Variants in PACRG observed in about 807,000 individuals in gnomAD.
The protein encoded by PACRG is parkin coregulated, also known as parkin coregulated gene protein.
A neutral mutation model predicts 29.7 loss-of-function variants in PACRG; 29 were observed. The observed-to-expected ratio is 0.98, with a 90% CI of 0.73 to 1.33. The LOEUF (loss-of-function observed/expected upper bound fraction) is 1.33, where lower values mean the gene tolerates loss of function less well. Among genes scored for constraint, PACRG ranks in the 40% most tolerant of loss-of-function variants. PACRG has a pLI of 0.00. For synonymous variants in PACRG, 116 were observed against 118.7 expected, an observed-to-expected ratio of 0.98 and a Z score of 0.15; for missense variants, 279 against 316.2, an observed-to-expected ratio of 0.88 and a Z score of 0.89.
At chr6:162,751,335 T>C (rs1016890719) in intron 1 of PACRG, among the ~76,000 whole-genome samples, 23 of 152,258 alleles carry the variant, frequency 1.5e-4, no homozygotes, top group African/African-American at 5.3e-4. Context: ...AACTGTGCAT[T>C]AATCCAAACA....
rs1425303763 is a variant in PACRG, at chr6:163,221,514, T to C, written c.614-93313T>C. ...ACCAGTGACTCTCAGGGAGGTACTTTCATGGTTGCAAAGCACATCTTACGT... is the reference window on the plus strand; with the variant it reads ...ACCAGTGACTCTCAGGGAGGTACTTCCATGGTTGCAAAGCACATCTTACGT... On this transcript the variant is annotated intron_variant, in intron 4 of 4. Transcript: ENST00000366888. 4.6e-5 allele frequency among the ~76,000 whole-genome samples: 7 copies of C among 152,252 alleles called. No homozygotes were observed. In the East Asian group the frequency reaches 1.3e-3, roughly 29 times the overall value.
At chr6:163,191,803 AC>A in intron 4 of PACRG, 1 of 455,490 alleles carries the variant, frequency 2.2e-6, no homozygotes, top group South Asian at 1.6e-5. Flanking sequence ...ATTTCCAGCC[AC>A]CTTTTTTCTC....
At chr6:163,041,819 C>G (rs1032022137) in intron 2 of PACRG, among the ~76,000 whole-genome samples, 2 of 152,176 alleles carry the variant, frequency 1.3e-5, no homozygotes, top group African/African-American at 4.8e-5. Flanking sequence ...AGTAGCAAAT[C>G]AAGCACTGCC....
chr6:163,175,630 G>A (rs1271503747), intron 4 of PACRG, among the ~76,000 whole-genome samples: 2 of 152,062 alleles, frequency 1.3e-5, no homozygotes, highest in Non-Finnish European at 2.9e-5. Context: ...GGGAGGGACG[G>A]AATGTCGGGA....
chr6:162,890,012 G>C (rs1794639887), intron 2 of PACRG, among the ~76,000 whole-genome samples: 1 of 152,234 alleles, frequency 6.6e-6, no homozygotes, highest in African/African-American at 2.4e-5. Context: ...AGAAAGGTCT[G>C]AGCACATCTG....
upstream of PACRG, chr6:162,727,880 C>T: frequency 1.7e-6 from 1 of 593,898 alleles, no homozygotes; most frequent in Non-Finnish European, 3.0e-6. Flanking sequence ...ACGCCTCCTG[C>T]CCCCAGCCCC....
chr6:163,298,613 A>G (rs182385691), intron 4 of PACRG, among the ~76,000 whole-genome samples: 2 of 152,356 alleles, frequency 1.3e-5, no homozygotes, highest in Admixed American at 1.3e-4. Context: ...ATCACTCACA[A>G]AAATTGTGCA....
chr6:163,105,627 A>G (rs952116618), intron 4 of PACRG, among the ~76,000 whole-genome samples: 1 of 152,162 alleles, frequency 6.6e-6, no homozygotes, highest in Non-Finnish European at 1.5e-5. Context: ...ACATTGGGTC[A>G]TTGAAAAAAA....
intron 2 of PACRG, among the ~76,000 whole-genome samples, chr6:162,856,921 G>C (rs1252011521): frequency 6.6e-6 from 1 of 152,162 alleles, no homozygotes; most frequent in Non-Finnish European, 1.5e-5. Flanking sequence ...GGTTTTCCCT[G>C]AAGAGGTTTA....
intron 1 of PACRG, among the ~76,000 whole-genome samples, chr6:162,804,951 A>G (rs1786194166): frequency 6.6e-6 from 1 of 152,212 alleles, no homozygotes; most frequent in Non-Finnish European, 1.5e-5. Flanking sequence ...CTACACACCT[A>G]GACTATGTGT....
At chr6:162,994,980 G>C (rs1396515773) in intron 2 of PACRG, among the ~76,000 whole-genome samples, 1 of 150,246 alleles carries the variant, frequency 6.7e-6, no homozygotes, top group South Asian at 2.1e-4. Context: ...TCAGCTGCAG[G>C]TCTGTTGGAA....
intron 2 of PACRG, among the ~76,000 whole-genome samples, chr6:163,025,337 A>C (rs894142322): frequency 1.3e-5 from 2 of 152,242 alleles, no homozygotes; most frequent in Admixed American, 1.3e-4. Context: ...TACAAAAATC[A>C]TAAAGACTCT....
intron 2 of PACRG, among the ~76,000 whole-genome samples, chr6:163,049,339 G>T (rs761611243): frequency 1.1e-4 from 17 of 151,976 alleles, no homozygotes; most frequent in Non-Finnish European, 1.9e-4. Context: ...ACCAGGAAAA[G>T]TTACAAATAG....
At position 162,995,325 on chromosome 6, in the gene PACRG, C is replaced by T. The variant is rs1221707564; in HGVS notation, c.292-66825C>T. ...CTAAGCAAGCCTGGGCAATGGCGGG[C>T]GCCCCTCCCCCAGCCTCGCTGCCGC... On this transcript the variant is annotated intron_variant, in intron 2 of 4. Coordinates refer to ENST00000366888, the MANE Select transcript of PACRG (RefSeq NM_001080379.2). Among the ~76,000 whole-genome samples the T allele has an allele frequency of 5.3e-5, 8 of 150,738 alleles. 1 individual carries two copies. The highest frequency in any genetic ancestry group is 4.4e-5 in the Non-Finnish European group (3 of 67,520).
chr6:163,118,197 C>T (rs1448978743), intron 4 of PACRG, among the ~76,000 whole-genome samples: 1 of 152,222 alleles, frequency 6.6e-6, no homozygotes, highest in African/African-American at 2.4e-5. Context: ...ATACTTGCCA[C>T]CTACCTACCC....
rs546029534 is a variant in PACRG at position 162,989,134 on chromosome 6, G to C, written c.292-73016G>C. Among the ~76,000 whole-genome samples the C allele has an allele frequency of 3.9e-5, 6 of 152,238 alleles. No individual in the cohort carries two copies. The South Asian group carries it at 1.2e-3, about 32-fold the overall frequency. ...GAGAAGGGGGCAGATTAAGATTTCA[G>C]GTGGAACATTGTTCTCATAGACATA... On this transcript the variant is annotated intron_variant, in intron 2 of 4. Transcript: ENST00000366888.
intron 2 of PACRG, among the ~76,000 whole-genome samples, chr6:162,928,064 CCT>C (rs2128102722): frequency 6.6e-6 from 1 of 152,016 alleles, no homozygotes; most frequent in South Asian, 2.1e-4. Flanking sequence ...AGAATTCTCT[CCT>C]CTTCAGTTTT....
chr6:162,960,687 G>A (rs59788701), intron 2 of PACRG, among the ~76,000 whole-genome samples: 23,704 of 152,042 alleles, frequency 0.16, 3,245 homozygotes, highest in African/African-American at 0.36. Context: ...ATATATTCAC[G>A]TAGCAAATCT....
intron 4 of PACRG, among the ~76,000 whole-genome samples, chr6:163,108,509 T>C (rs1312281081): frequency 1.4e-5 from 2 of 141,734 alleles, no homozygotes; most frequent in South Asian, 2.5e-4. Flanking sequence ...ATCTCAGGCC[T>C]CAGTCCCTGA....
Sources: gnomAD v4.1 joint callset for allele counts (sites outside exome capture counted in the v4.1 genomes callset) on GRCh38, gnomAD v4.1.1 for gene constraint, MANE v1.5 for transcripts, NCBI Gene and HGNC (gene_info 2026-07-23, HGNC 2026-07-21) for gene names.